ST6GALNAC3: variants seen among roughly 807,000 people sequenced by gnomAD.
The protein encoded by ST6GALNAC3 is alpha-N-acetylgalactosaminide alpha-2,6-sialyltransferase 3.
In ST6GALNAC3, 25 loss-of-function variants were observed where a neutral mutation model predicts 32.7. The observed-to-expected ratio is 0.76, with a 90% confidence interval of 0.56 to 1.07. The LOEUF is 1.07. Among genes scored for constraint, ST6GALNAC3 ranks in the 50% least tolerant of loss-of-function variants. The pLI is 0.00. For missense variants in ST6GALNAC3, 355 were observed against 382.4 expected, an observed-to-expected ratio of 0.93 and a Z score of 0.60; for synonymous variants, 129 against 133.1, an observed-to-expected ratio of 0.97 and a Z score of 0.21.
chr1:76,579,990 G>T (rs1351115408), intron 3 of ST6GALNAC3, among the ~76,000 whole-genome samples: 1 of 151,934 alleles, frequency 6.6e-6, no homozygotes, highest in African/African-American at 2.4e-5. Flanking sequence ...TATTAGATGT[G>T]ATATTTTTAT....
At chr1:76,481,093 A>C (rs1313475338) in intron 3 of ST6GALNAC3, among the ~76,000 whole-genome samples, 1 of 152,068 alleles carries the variant, frequency 6.6e-6, no homozygotes, top group Non-Finnish European at 1.5e-5. Flanking sequence ...GAGCTTTCTG[A>C]TCTTTGAATT....
intron 3 of ST6GALNAC3, among the ~76,000 whole-genome samples, chr1:76,575,112 T>A (rs2100518338): frequency 6.6e-6 from 1 of 152,284 alleles, no homozygotes; most frequent in Non-Finnish European, 1.5e-5. Context: ...GAGAAGCCAG[T>A]GATGAAATGT....
At chr1:76,579,603 G>T (rs1392650989) in intron 3 of ST6GALNAC3, among the ~76,000 whole-genome samples, 2 of 151,856 alleles carry the variant, frequency 1.3e-5, no homozygotes, top group African/African-American at 2.4e-5. Flanking sequence ...AAAACATATG[G>T]GTACTCCTCT....
chr1:76,273,428 T>A (rs1262305746), intron 1 of ST6GALNAC3, among the ~76,000 whole-genome samples: 1 of 152,182 alleles, frequency 6.6e-6, no homozygotes, highest in Non-Finnish European at 1.5e-5. Flanking sequence ...CAAAGTTATC[T>A]TTTTCTTGGA....
intron 3 of ST6GALNAC3, among the ~76,000 whole-genome samples, chr1:76,567,422 T>C (rs1221866927): frequency 2.6e-5 from 4 of 152,174 alleles, no homozygotes; most frequent in East Asian, 1.9e-4. Flanking sequence ...TATTTACTTA[T>C]GACATTTTAC....
intron 1 of ST6GALNAC3, among the ~76,000 whole-genome samples, chr1:76,136,563 A>ATG (rs149803671): frequency 8.6e-5 from 13 of 151,538 alleles, no homozygotes; most frequent in South Asian, 2.1e-4. Flanking sequence ...AAGTGTGTGT[A>ATG]TGTGTGTGTG....
Position 76,630,771 on chromosome 1 carries a change from T to G in ST6GALNAC3, c.*1965T>G. On this transcript the variant is annotated 3_prime_UTR_variant, in exon 5 of 5. Transcript: ENST00000328299. ...CTATCGTTGGAAGGAGTTGTTATTC[T>G]TTTGTTGTTCCCTTATGCAATTTTT... 1.0e-6 allele frequency: 1 copy of G among 985,706 alleles called. No individual in the cohort carries two copies. The highest frequency in any genetic ancestry group is 1.2e-6 in the Non-Finnish European group (1 of 829,850). The allele number at this position is 985,706 out of a possible 1,614,324, so 61.1% of individuals were successfully genotyped here.
intron 1 of ST6GALNAC3, among the ~76,000 whole-genome samples, chr1:76,095,545 C>T (rs1647115759): frequency 6.6e-6 from 1 of 152,148 alleles, no homozygotes; most frequent in Non-Finnish European, 1.5e-5. Context: ...TGATCTTACC[C>T]ATATCACTTA....
intron 1 of ST6GALNAC3, among the ~76,000 whole-genome samples, chr1:76,129,906 C>A (rs1005044742): frequency 6.6e-6 from 1 of 152,172 alleles, no homozygotes. Context: ...GATAGGTCAT[C>A]ATTCTCGTCA....
At chr1:76,566,704 A>G (rs777923556) in intron 3 of ST6GALNAC3, among the ~76,000 whole-genome samples, 3 of 151,622 alleles carry the variant, frequency 2.0e-5, no homozygotes, top group Admixed American at 1.3e-4. Flanking sequence ...TTTACCCATC[A>G]CTCTCTCTTG....
chr1:76,308,500 A>C (rs1661203038), intron 1 of ST6GALNAC3, among the ~76,000 whole-genome samples: 1 of 152,176 alleles, frequency 6.6e-6, no homozygotes, highest in South Asian at 2.1e-4. Context: ...TGGTTGTTAA[A>C]TCTAAAGGAT....
At chr1:76,251,694 C>T (rs1657626102) in intron 1 of ST6GALNAC3, among the ~76,000 whole-genome samples, 1 of 152,152 alleles carries the variant, frequency 6.6e-6, no homozygotes, top group African/African-American at 2.4e-5. Context: ...TCTTATCATA[C>T]TTCTTTGTGC....
At chr1:76,249,669 T>C (rs1299585755) in intron 1 of ST6GALNAC3, among the ~76,000 whole-genome samples, 1 of 152,222 alleles carries the variant, frequency 6.6e-6, no homozygotes, top group Non-Finnish European at 1.5e-5. Context: ...GGTATGTCTA[T>C]GTTTAATTGC....
chr1:76,449,322 A>C (rs1471985003), intron 3 of ST6GALNAC3, among the ~76,000 whole-genome samples: 2 of 152,208 alleles, frequency 1.3e-5, no homozygotes, highest in African/African-American at 2.4e-5. Flanking sequence ...ATCCATCCAC[A>C]TACTGAAGGG....
chr1:76,186,400 G>A (rs901996144), intron 1 of ST6GALNAC3, among the ~76,000 whole-genome samples: 1 of 152,022 alleles, frequency 6.6e-6, no homozygotes, highest in South Asian at 2.1e-4. Flanking sequence ...TGAGACCCCC[G>A]ACTATGTCTC....
chr1:76,517,871 G>A (rs1394927204), intron 3 of ST6GALNAC3, among the ~76,000 whole-genome samples: 1 of 151,910 alleles, frequency 6.6e-6, no homozygotes, highest in Non-Finnish European at 1.5e-5. Flanking sequence ...CAGGAAGGAG[G>A]TGTTCATTTT....
chr1:76,358,177 C>G (rs529201059), intron 2 of ST6GALNAC3, among the ~76,000 whole-genome samples: 2 of 152,204 alleles, frequency 1.3e-5, no homozygotes, highest in African/African-American at 4.8e-5. Context: ...TAAGCTCAGT[C>G]TTAGATGCCC....
At chr1:76,088,616 C>T (rs560380051) in intron 1 of ST6GALNAC3, among the ~76,000 whole-genome samples, 2 of 152,200 alleles carry the variant, frequency 1.3e-5, no homozygotes, top group Admixed American at 1.3e-4. Flanking sequence ...TCCTCAATCA[C>T]TCATCTCTCT....
intron 1 of ST6GALNAC3, among the ~76,000 whole-genome samples, chr1:76,148,197 C>A (rs895561808): frequency 6.6e-6 from 1 of 152,154 alleles, no homozygotes; most frequent in African/African-American, 2.4e-5. Context: ...CTCAGTTGAG[C>A]CCTTAAGATG....
Sources: allele counts gnomAD v4.1 joint callset (sites outside exome capture counted in the v4.1 genomes callset), GRCh38; gene constraint gnomAD v4.1.1; transcripts MANE v1.5; gene names NCBI Gene and HGNC (gene_info 2026-07-23, HGNC 2026-07-21).